Variants in ACKR3 observed in about 807,000 individuals in gnomAD.
ACKR3 encodes C-X-C chemokine receptor type 7.
In ACKR3, 6 loss-of-function variants were observed where a neutral mutation model predicts 22.4. That is an observed-to-expected ratio of 0.27 (90% confidence interval 0.15 to 0.53). The LOEUF is 0.53. Ranked by LOEUF, ACKR3 falls within the 20% of genes least tolerant of loss-of-function variation. The probability of loss-of-function intolerance (pLI) is 0.96; values close to 1 mark genes in which losing one functional copy is unlikely to be tolerated. For missense variants in ACKR3, 396 were observed against 475.2 expected (o/e 0.83, Z 1.55); for synonymous variants, 209 against 205.2 (o/e 1.02, Z -0.16).
the ACKR3 span, among the ~76,000 whole-genome samples, chr2:236,544,507 TG>T: frequency 1.1e-4 from 17 of 152,040 alleles, no homozygotes; most frequent in Admixed American, 1.1e-3. This position sits in a 1 kb window ranked among gnomAD's most constrained non-coding sequence, Gnocchi z 5.0. Flanking sequence ...GTGCCAGGGC[TG>T]GGGGGCTGCT....
intron 1 of ACKR3, among the ~76,000 whole-genome samples, chr2:236,575,276 A>G (rs559524000): frequency 1.4e-4 from 22 of 152,244 alleles, no homozygotes; most frequent in African/African-American, 5.3e-4. Context: ...CCCAGCCCCA[A>G]GTTTTATACT....
intron 1 of ACKR3, 88 bp from the exon 2 acceptor site, chr2:236,580,352 G>A: frequency 6.9e-7 from 1 of 1,452,578 alleles, no homozygotes. Context: ...TCAGGGCCTT[G>A]GAAAAGCATT....
At chr2:236,559,884 G>C in the ACKR3 span, among the ~76,000 whole-genome samples, 4 of 152,242 alleles carry the variant, frequency 2.6e-5, no homozygotes, top group East Asian at 7.7e-4. Flanking sequence ...TTGTTTCCTT[G>C]CTCCGTTTGT....
In ACKR3 at chr2:236,580,810, C is replaced by T; in HGVS notation, c.345C>T (p.Leu115=). Residue 115 remains leucine, a synonymous_variant, in exon 2 of 2, where the codon CTC becomes CTT. Coordinates refer to ENST00000272928, the MANE Select transcript of ACKR3 (RefSeq NM_020311.3). ...ACAACCAGTGGCCCATGGGCGAGCTCACGTGCAAAGTCACACACCTCATCT... is the reference window on the plus strand; with the variant it reads ...ACAACCAGTGGCCCATGGGCGAGCTTACGTGCAAAGTCACACACCTCATCT... ...VQHNQWPMGE[L]TCKVTHLIFS... 3 of 1,614,220 alleles carry T rather than the reference C, an allele frequency of 1.9e-6. No homozygotes were observed. Among genetic ancestry groups the T allele is most frequent in the Non-Finnish European group, 2.5e-6 (3 of 1,180,050 alleles).
the ACKR3 span, among the ~76,000 whole-genome samples, chr2:236,551,948 G>A: frequency 1.5e-4 from 23 of 152,088 alleles, no homozygotes; most frequent in Admixed American, 2.6e-4. Context: ...AGCTCTGGTC[G>A]GCCTGCTTGT....
Position 236,580,574 on chromosome 2 carries a change from A to G in ACKR3, c.109A>G (p.Met37Val). 2 of 1,614,156 alleles carry G rather than the reference A, an allele frequency of 1.2e-6. No individual in the cohort carries two copies. The highest frequency in any genetic ancestry group is 1.7e-6 in the Non-Finnish European group (2 of 1,179,992). ...IVVDTVMCPN[M>V]PNKSVLLYTL... ...GGTGGACACGGTGATGTGTCCCAAC[A>G]TGCCCAACAAAAGCGTCCTGCTCTA... Residue 37 changes from methionine (M) to valine (V), a missense_variant, in exon 2 of 2, where the codon ATG (methionine) becomes GTG (valine). By Grantham distance (21) the Met-to-Val change is conservative (BLOSUM62 1). Transcript: ENST00000272928.
At chr2:236,556,921 C>G in the ACKR3 span, among the ~76,000 whole-genome samples, 1 of 152,202 alleles carries the variant, frequency 6.6e-6, no homozygotes, top group Non-Finnish European at 1.5e-5. Context: ...CTCCTGACCT[C>G]AGTTGATCCC....
chr2:236,580,296 T>G, intron 1 of ACKR3, 144 bp from the exon 2 acceptor site: 1 of 765,846 alleles, frequency 1.3e-6, no homozygotes, highest in Non-Finnish European at 2.1e-6. Context: ...TTTTTCTCCC[T>G]TCTTTGCAAA....
the ACKR3 span, among the ~76,000 whole-genome samples, chr2:236,540,051 A>G: frequency 1.3e-5 from 2 of 152,244 alleles, no homozygotes; most frequent in Admixed American, 1.3e-4. Context: ...GGGTGGGGAC[A>G]CAGCCAACTG....
In ACKR3 at chr2:236,581,718, C is replaced by T. The variant is rs575056402; in HGVS notation, c.*164C>T. 45 of 923,860 alleles carry T rather than the reference C, an allele frequency of 4.9e-5. No homozygotes were observed. Among genetic ancestry groups the T allele is most frequent in the South Asian group, 4.4e-4 (23 of 52,248 alleles). 57.2% of individuals were successfully genotyped at this position (923,860 alleles called of 1,614,324 possible). On this transcript the variant is annotated 3_prime_UTR_variant, in exon 2 of 2. Transcript: ENST00000272928. The surrounding 1 kb of genome is among the most constrained non-coding windows in gnomAD (Gnocchi z 4.4). ...ATCCATTCTCTCTTTCTCTTGATGACGCAGCTGTCATTTGGCTGTGCGTGC... is the reference window on the plus strand; with the variant it reads ...ATCCATTCTCTCTTTCTCTTGATGATGCAGCTGTCATTTGGCTGTGCGTGC...
At position 236,581,747 on chromosome 2, in the gene ACKR3, CA is replaced by C; in HGVS notation, c.*194del. The C allele has an allele frequency of 2.8e-6, 2 of 713,304 alleles. No homozygotes were observed. The highest frequency in any genetic ancestry group is 2.3e-6 in the Non-Finnish European group (1 of 443,632). The allele number at this position is 713,304 out of a possible 1,614,324, so 44.2% of individuals were successfully genotyped here. ...GCTGTCATTTGGCTGTGCGTGCTGA[CA>C]GTTTTGCAACAGGCAGAGCTGTGTC... On this transcript the variant is annotated 3_prime_UTR_variant, in exon 2 of 2. Transcript: ENST00000272928. This position sits in a 1 kb window ranked among gnomAD's most constrained non-coding sequence, Gnocchi z 4.4.
the ACKR3 span, among the ~76,000 whole-genome samples, chr2:236,546,999 T>C: frequency 1.3e-5 from 2 of 152,240 alleles, no homozygotes; most frequent in Admixed American, 6.5e-5. This position sits in a 1 kb window ranked among gnomAD's most constrained non-coding sequence, Gnocchi z 4.9. Context: ...GTACATCCTC[T>C]CTTGTCGGGC....
chr2:236,538,123 G>A, the ACKR3 span, among the ~76,000 whole-genome samples: 6 of 151,906 alleles, frequency 3.9e-5, no homozygotes, highest in East Asian at 1.2e-3. Flanking sequence ...ATATACATAA[G>A]CCAGATCCTT....
chr2:236,575,997 T>A (rs1286497156), intron 1 of ACKR3, among the ~76,000 whole-genome samples: 1 of 152,194 alleles, frequency 6.6e-6, no homozygotes, highest in East Asian at 1.9e-4. Flanking sequence ...CTCCCCTTCC[T>A]TCCCCCTGGA....
intron 1 of ACKR3, among the ~76,000 whole-genome samples, chr2:236,575,349 A>C (rs1183577050): frequency 6.6e-6 from 1 of 152,074 alleles, no homozygotes; most frequent in Non-Finnish European, 1.5e-5. Context: ...ACACAAATGT[A>C]ATTTTTGTGT....
At chr2:236,555,233 TA>T in the ACKR3 span, among the ~76,000 whole-genome samples, 166 of 152,348 alleles carry the variant, frequency 1.1e-3, no homozygotes, top group Middle Eastern at 3.4e-3. Flanking sequence ...TTGTTTCTTG[TA>T]AACTACACAT....
chr2:236,539,774 A>C, the ACKR3 span, among the ~76,000 whole-genome samples: 1 of 152,214 alleles, frequency 6.6e-6, no homozygotes, highest in Non-Finnish European at 1.5e-5. Flanking sequence ...TTTATAAAGG[A>C]AAGAGATTTA....
At chr2:236,543,072 C>T in the ACKR3 span, among the ~76,000 whole-genome samples, 35,858 of 152,126 alleles carry the variant, frequency 0.24, 6,112 homozygotes, top group African/African-American at 0.49. Context: ...AATGCTTTAC[C>T]GAACTTAGGA....
upstream of ACKR3, among the ~76,000 whole-genome samples, chr2:236,566,766 T>TCCTTCC (rs1559469797): frequency 1.5e-4 from 22 of 149,312 alleles, no homozygotes; most frequent in African/African-American, 4.5e-4. Flanking sequence ...CTTCCTTCCT[T>TCCTTCC]TTCTTTGCTA....
Sources: allele counts gnomAD v4.1 joint callset (sites outside exome capture counted in the v4.1 genomes callset), GRCh38; gene constraint gnomAD v4.1.1; non-coding constraint Gnocchi (gnomAD v3.1); transcripts MANE v1.5; gene names NCBI Gene and HGNC (gene_info 2026-07-23, HGNC 2026-07-21).